The following MEI4 variants were observed in gnomAD, a reference collection of about 807,000 sequenced individuals.
MEI4 encodes the protein meiotic double-stranded break formation protein 4.
Under a neutral mutation model 31.4 loss-of-function variants are expected in MEI4, and 27 were observed. That is an observed-to-expected ratio of 0.86 (90% CI 0.63 to 1.19). MEI4 has a LOEUF of 1.19. Among genes scored for constraint, MEI4 ranks in the 50% most tolerant of loss-of-function variants. The pLI is 0.00. For synonymous variants in MEI4, 122 were observed against 145.4 expected (o/e 0.84, Z 1.16); for missense variants, 329 against 398.9 (o/e 0.82, Z 1.49).
intron 2 of MEI4, among the ~76,000 whole-genome samples, chr6:77,746,070 C>T (rs1212984197): frequency 1.3e-5 from 2 of 152,052 alleles, no homozygotes; most frequent in Non-Finnish European, 2.9e-5. Flanking sequence ...ACTAGAAAAG[C>T]AAGAGCAAAC....
intron 3 of MEI4, among the ~76,000 whole-genome samples, chr6:77,815,524 T>G (rs1309293377): frequency 6.6e-6 from 1 of 152,092 alleles, no homozygotes; most frequent in East Asian, 1.9e-4. Context: ...AGAAGAATGA[T>G]GAGTTGACTT....
At chr6:77,905,401 G>A (rs972512251) in intron 4 of MEI4, among the ~76,000 whole-genome samples, 6 of 147,138 alleles carry the variant, frequency 4.1e-5, no homozygotes, top group African/African-American at 1.2e-4. Context: ...TATTTGGATT[G>A]AATGTAATTA....
intron 2 of MEI4, among the ~76,000 whole-genome samples, chr6:77,726,073 G>T (rs1011389684): frequency 2.0e-5 from 2 of 102,398 alleles, no homozygotes; most frequent in African/African-American, 8.1e-5. Flanking sequence ...AGGTCCCTGC[G>T]GCCTTCCGCA....
At chr6:77,812,251 T>C (rs1769590567) in intron 3 of MEI4, among the ~76,000 whole-genome samples, 1 of 152,140 alleles carries the variant, frequency 6.6e-6, no homozygotes, top group Non-Finnish European at 1.5e-5. Context: ...TATGAATAAT[T>C]ATTTTTTCCT....
At chr6:77,862,070 A>G (rs1270276808) in intron 4 of MEI4, among the ~76,000 whole-genome samples, 1 of 152,084 alleles carries the variant, frequency 6.6e-6, no homozygotes, top group Non-Finnish European at 1.5e-5. Context: ...GAATTAAAAA[A>G]AAAAAAAAAT....
At chr6:77,804,436 C>T (rs189238077) in intron 3 of MEI4, among the ~76,000 whole-genome samples, 1 of 152,324 alleles carries the variant, frequency 6.6e-6, no homozygotes, top group Admixed American at 6.5e-5. Context: ...CTTTGGCTCA[C>T]ACTCAGTGCG....
chr6:77,662,451 G>T (rs1213061819), intron 1 of MEI4, among the ~76,000 whole-genome samples: 1 of 152,156 alleles, frequency 6.6e-6, no homozygotes, highest in Non-Finnish European at 1.5e-5. Context: ...TCCAGACCAG[G>T]AACAATGGTA....
chr6:77,685,372 A>G (rs1769036195), intron 1 of MEI4, among the ~76,000 whole-genome samples: 1 of 129,202 alleles, frequency 7.7e-6, no homozygotes. Flanking sequence ...CCATTTGTCT[A>G]TGTTTGCTTT....
At chr6:77,797,582 G>A (rs890926591) in intron 3 of MEI4, among the ~76,000 whole-genome samples, 8 of 152,074 alleles carry the variant, frequency 5.3e-5, no homozygotes, top group African/African-American at 1.4e-4. Context: ...TCAAAGGCCC[G>A]AGATCCCCCG....
intron 1 of MEI4, among the ~76,000 whole-genome samples, chr6:77,679,071 C>A (rs1409008613): frequency 1.3e-5 from 2 of 151,594 alleles, no homozygotes; most frequent in Non-Finnish European, 2.9e-5. Context: ...AAAAAAAAGT[C>A]AAAAAGTTAA....
chr6:77,734,937 T>A (rs1767139767), intron 2 of MEI4, among the ~76,000 whole-genome samples: 2 of 151,936 alleles, frequency 1.3e-5, no homozygotes, highest in Admixed American at 1.3e-4. Flanking sequence ...GAAAATTCTT[T>A]TCTTTAAGAA....
At chr6:77,680,951 A>C (rs953501808) in intron 1 of MEI4, among the ~76,000 whole-genome samples, 13 of 152,188 alleles carry the variant, frequency 8.5e-5, no homozygotes, top group African/African-American at 3.1e-4. Context: ...TCTTCAGTAT[A>C]CTCAGAAGGC....
chr6:77,748,738 T>G (rs969638304), intron 2 of MEI4, among the ~76,000 whole-genome samples: 1 of 152,208 alleles, frequency 6.6e-6, no homozygotes, highest in Non-Finnish European at 1.5e-5. Flanking sequence ...AGGCTGCAAA[T>G]TTTCTAAACT....
chr6:77,920,423 C>T (rs1209952310), intron 4 of MEI4, among the ~76,000 whole-genome samples: 1 of 151,746 alleles, frequency 6.6e-6, no homozygotes, highest in Non-Finnish European at 1.5e-5. Flanking sequence ...AATAGATCCA[C>T]CTCTAATTCT....
intron 4 of MEI4, among the ~76,000 whole-genome samples, chr6:77,883,733 TATATATATATAA>T (rs966717625): frequency 7.8e-5 from 11 of 140,866 alleles, no homozygotes; most frequent in African/African-American, 1.9e-4. Context: ...TATATATATA[TATATATATATAA>T]CTTTGTCTTT....
chr6:77,746,144 G>C (rs28835021), intron 2 of MEI4, among the ~76,000 whole-genome samples: 3 of 151,954 alleles, frequency 2.0e-5, no homozygotes, highest in Non-Finnish European at 1.5e-5. Context: ...AGGAAATAGA[G>C]ACACAAAAAA....
chr6:77,869,006 G>T (rs1360620882), intron 4 of MEI4, among the ~76,000 whole-genome samples: 4 of 152,000 alleles, frequency 2.6e-5, no homozygotes, highest in Admixed American at 2.0e-4. Context: ...TGGCCGAGCT[G>T]GATGCCTAAT....
intron 2 of MEI4, among the ~76,000 whole-genome samples, chr6:77,752,980 T>C (rs751631728): frequency 1.3e-5 from 2 of 152,064 alleles, no homozygotes; most frequent in Non-Finnish European, 2.9e-5. Flanking sequence ...TTGACAAACC[T>C]GACAAAAACA....
chr6:77,819,266 T>A (rs1769759617), intron 3 of MEI4, among the ~76,000 whole-genome samples: 1 of 152,180 alleles, frequency 6.6e-6, no homozygotes, highest in Admixed American at 6.6e-5. Flanking sequence ...TTTTAACTGA[T>A]TTAAATATTT....
Sources: allele counts gnomAD v4.1 joint callset (sites outside exome capture counted in the v4.1 genomes callset), GRCh38; gene constraint gnomAD v4.1.1; transcripts MANE v1.5; gene names NCBI Gene and HGNC (gene_info 2026-07-23, HGNC 2026-07-21).